Variants in CDKL2 observed in about 807,000 individuals in gnomAD.
CDKL2 encodes the protein cyclin dependent kinase like 2.
In CDKL2, 64 loss-of-function variants were observed where a neutral mutation model predicts 63.9. The ratio of observed to expected loss-of-function variants is 1.00; its 90% CI spans 0.82 to 1.23. CDKL2 has a LOEUF of 1.23. Among genes scored for constraint, CDKL2 ranks in the 50% most tolerant of loss-of-function variants. The pLI is 0.00. For synonymous variants in CDKL2, 211 were observed against 229.2 expected (o/e 0.92, Z 0.72); for missense variants, 656 against 668.0 (o/e 0.98, Z 0.20).
At chr4:75,601,462 T>C (rs1280968114) in intron 6 of CDKL2, among the ~76,000 whole-genome samples, 3 of 152,086 alleles carry the variant, frequency 2.0e-5, no homozygotes, top group African/African-American at 7.2e-5. Flanking sequence ...GTGCTACTTA[T>C]AAGTAAAATA....
chr4:75,626,468 C>T (rs6829225), intron 1 of CDKL2, among the ~76,000 whole-genome samples: 34,773 of 151,944 alleles, frequency 0.23, 4,310 homozygotes, highest in Middle Eastern at 0.35. Flanking sequence ...AGATTGAGAC[C>T]ATCCTGGCTA....
chr4:75,612,472 C>T (rs1196768898), intron 3 of CDKL2, among the ~76,000 whole-genome samples: 1 of 152,160 alleles, frequency 6.6e-6, no homozygotes, highest in Non-Finnish European at 1.5e-5. Context: ...GTGAGAGAGA[C>T]AATGGTTCTT....
chr4:75,602,326 C>T (rs1164412954), intron 6 of CDKL2, among the ~76,000 whole-genome samples: 1 of 152,068 alleles, frequency 6.6e-6, no homozygotes, highest in African/African-American at 2.4e-5. Flanking sequence ...GTTACAGGCA[C>T]GTGCCACCAC....
intron 6 of CDKL2, among the ~76,000 whole-genome samples, chr4:75,601,072 G>A (rs1189561507): frequency 6.6e-6 from 1 of 152,142 alleles, no homozygotes; most frequent in Non-Finnish European, 1.5e-5. Context: ...AAAAAAGAAA[G>A]AGATGAAGAG....
rs749268942 is a variant in CDKL2 at position 75,591,854 on chromosome 4, T to C, written c.1612A>G (p.Ile538Val). 43 of 1,535,990 alleles carry C rather than the reference T, an allele frequency of 2.8e-5. No homozygotes were observed. The highest frequency in any genetic ancestry group is 1.7e-4 in the Middle Eastern group (1 of 5,988). ...SESRIPSLAA[I>V]DLHTPSITLH... ...GTAATACTGGGGGTGTGCAGGTCAATAGCAGCCAGAGAAGGAATTCGAGAT... is the reference window on the plus strand; with the variant it reads ...GTAATACTGGGGGTGTGCAGGTCAACAGCAGCCAGAGAAGGAATTCGAGAT... Residue 538 changes from isoleucine (I) to valine (V), a missense_variant, in exon 12 of 14, where the codon ATT becomes GTT. By Grantham distance (29) the Ile-to-Val change is conservative. Transcript: ENST00000307465.
At chr4:75,628,575 ACTAT>A (rs1578361301) in intron 1 of CDKL2, among the ~76,000 whole-genome samples, 1 of 152,212 alleles carries the variant, frequency 6.6e-6, no homozygotes, top group Non-Finnish European at 1.5e-5. Context: ...ATAGATTTTA[ACTAT>A]CTATTATTTC....
At chr4:75,589,893 G>A (rs1305184991) in intron 12 of CDKL2, among the ~76,000 whole-genome samples, 1 of 151,606 alleles carries the variant, frequency 6.6e-6, no homozygotes, top group Non-Finnish European at 1.5e-5. Context: ...GAGGTAGAAA[G>A]ATGGCTTAAG....
chr4:75,600,505 T>C (rs1729140073), intron 6 of CDKL2, 136 bp from the exon 7 acceptor site: 2 of 633,316 alleles, frequency 3.2e-6, no homozygotes, highest in South Asian at 4.1e-5. Context: ...TTGCCCAGGC[T>C]AGAGTGCAGT....
At chr4:75,589,948 C>T (rs1180971841) in intron 12 of CDKL2, among the ~76,000 whole-genome samples, 1 of 151,676 alleles carries the variant, frequency 6.6e-6, no homozygotes, top group East Asian at 1.9e-4. Context: ...TGCCACTGCA[C>T]TCCAGCCTGG....
intron 12 of CDKL2, among the ~76,000 whole-genome samples, chr4:75,589,911 G>A (rs1728637757): frequency 6.6e-6 from 1 of 151,504 alleles, no homozygotes; most frequent in African/African-American, 2.4e-5. Context: ...AAGCCCAGGA[G>A]TTCAAGGCTG....
At chr4:75,617,303 T>A (rs1270751527) in intron 2 of CDKL2, among the ~76,000 whole-genome samples, 1 of 152,120 alleles carries the variant, frequency 6.6e-6, no homozygotes, top group Non-Finnish European at 1.5e-5. Context: ...TAAAAGAGTA[T>A]GATATTATAC....
chr4:75,623,952 G>A (rs1730280995), intron 2 of CDKL2, among the ~76,000 whole-genome samples: 1 of 151,298 alleles, frequency 6.6e-6, no homozygotes, highest in African/African-American at 2.4e-5. Flanking sequence ...TGGCCAACAT[G>A]GTGAAACCCC....
intron 1 of CDKL2, among the ~76,000 whole-genome samples, chr4:75,629,446 A>G (rs916270357): frequency 3.3e-5 from 5 of 152,252 alleles, no homozygotes; most frequent in African/African-American, 9.6e-5. Flanking sequence ...CTTTAAAAGT[A>G]TCACAGCCTA....
At position 75,591,886 on chromosome 4, in the gene CDKL2, A is replaced by T. The variant is rs1728729331; in HGVS notation, c.1580T>A (p.Leu527His). The part of the protein sequence containing the change: ...SRLTKKESKI[L>H]SESRIPSLAA... ...CAGAGAAGGAATTCGAGATTCTGAA[A>T]GAATTTTGCTCTCTTTCTTTGTTAG... Residue 527 changes from leucine (L) to histidine (H), a missense_variant, in exon 12 of 14, where the codon CTT becomes CAT. Physicochemically the swap from Leu to His is moderately conservative, Grantham distance 99 (BLOSUM62 -3). Coordinates refer to ENST00000307465, the MANE Select transcript of CDKL2 (RefSeq NM_001330724.2). The T allele has an allele frequency of 2.0e-6, 3 of 1,535,956 alleles. No individual in the cohort carries two copies. The highest frequency in any genetic ancestry group is 2.6e-6 in the Non-Finnish European group (3 of 1,146,884).
intron 10 of CDKL2, among the ~76,000 whole-genome samples, chr4:75,594,385 T>A (rs1174729917): frequency 6.6e-6 from 1 of 151,644 alleles, no homozygotes. Flanking sequence ...GAGGCGGAGG[T>A]TGCAGTGAGC....
chr4:75,608,996 G>GAAAAAAAAAA (rs5859470), intron 3 of CDKL2, among the ~76,000 whole-genome samples: 3 of 120,858 alleles, frequency 2.5e-5, no homozygotes, highest in African/African-American at 3.6e-5. Context: ...TCCATCTCAA[G>GAAAAAAAAAA]AAAAAAAAAA....
intron 2 of CDKL2, among the ~76,000 whole-genome samples, chr4:75,618,936 C>G (rs1243640027): frequency 6.6e-6 from 1 of 152,212 alleles, no homozygotes; most frequent in Non-Finnish European, 1.5e-5. Flanking sequence ...CATGGATTCA[C>G]ATACTGGACT....
At position 75,577,889 on chromosome 4, in the gene CDKL2, G is replaced by A. The variant is rs1265026988; in HGVS notation, c.*1313C>T. 2.0e-5 allele frequency: 3 copies of A among 150,610 alleles called. No individual in the cohort carries two copies. Among genetic ancestry groups the A allele is most frequent in the Non-Finnish European group, 4.4e-5 (3 of 67,738 alleles). 9.3% of individuals were successfully genotyped at this position (150,610 alleles called of 1,614,324 possible). On this transcript the variant is annotated 3_prime_UTR_variant, in exon 14 of 14. Coordinates refer to ENST00000307465, the MANE Select transcript of CDKL2 (RefSeq NM_001330724.2). ...TTAAATATCCAAGGTCAGAATTTCA[G>A]TATTAAGCTCCTCAGAGTAATAAAG...
At chr4:75,613,773 G>C (rs750436240) in intron 3 of CDKL2, among the ~76,000 whole-genome samples, 9 of 152,062 alleles carry the variant, frequency 5.9e-5, no homozygotes, top group Middle Eastern at 3.2e-3. Flanking sequence ...ACAGAAAATA[G>C]AGCCAGGCAC....
Sources: gnomAD v4.1 joint callset for allele counts (sites outside exome capture counted in the v4.1 genomes callset) on GRCh38, gnomAD v4.1.1 for gene constraint, MANE v1.5 for transcripts, NCBI Gene and HGNC (gene_info 2026-07-23, HGNC 2026-07-21) for gene names.